Variants in LRRTM4 observed in about 807,000 individuals in gnomAD.
LRRTM4 encodes the protein leucine rich repeat transmembrane neuronal 4.
LRRTM4 carries 25 observed loss-of-function variants against 47.6 expected under a neutral mutation model. The observed-to-expected ratio is 0.53, with a 90% CI of 0.38 to 0.73. LRRTM4 has a LOEUF of 0.73. Among genes scored for constraint, LRRTM4 ranks in the 30% least tolerant of loss-of-function variants. The pLI is 0.00. For synonymous variants in LRRTM4, 311 were observed against 269.5 expected (o/e 1.15, Z -1.51); for missense variants, 638 against 713.4 (o/e 0.89, Z 1.20).
chr2:76,906,351 A>T (rs1321132493), intron 3 of LRRTM4, among the ~76,000 whole-genome samples: 1 of 152,212 alleles, frequency 6.6e-6, no homozygotes, highest in Admixed American at 6.5e-5. Context: ...AGGAAGCGCT[A>T]AACGTGGAAA....
chr2:76,968,107 GA>G (rs1269684544), intron 3 of LRRTM4, among the ~76,000 whole-genome samples: 1 of 150,734 alleles, frequency 6.6e-6, no homozygotes, highest in Admixed American at 6.6e-5. Flanking sequence ...ATCTATCTGT[GA>G]TTAACATTTT....
At chr2:76,973,352 A>C (rs534718362) in intron 3 of LRRTM4, among the ~76,000 whole-genome samples, 3 of 151,988 alleles carry the variant, frequency 2.0e-5, no homozygotes, top group Admixed American at 6.6e-5. Context: ...TGAATAGCTA[A>C]CTTTTTGTCT....
chr2:76,874,341 T>C (rs556252052), intron 3 of LRRTM4, among the ~76,000 whole-genome samples: 6 of 152,002 alleles, frequency 3.9e-5, no homozygotes, highest in Non-Finnish European at 8.8e-5. Flanking sequence ...TTTGTCTGAA[T>C]CTTTTCTTTG....
At chr2:77,515,000 C>T (rs1375179720) in intron 3 of LRRTM4, among the ~76,000 whole-genome samples, 2 of 151,776 alleles carry the variant, frequency 1.3e-5, no homozygotes, top group East Asian at 3.9e-4. Context: ...TATATAGTAA[C>T]ACCTTACTGT....
intron 3 of LRRTM4, among the ~76,000 whole-genome samples, chr2:77,398,360 A>G (rs1673787136): frequency 6.6e-6 from 1 of 151,876 alleles, no homozygotes; most frequent in Non-Finnish European, 1.5e-5. Flanking sequence ...AATTTTAGAG[A>G]AGCAATTAAG....
At chr2:76,988,080 GTTC>G (rs1045042379) in intron 3 of LRRTM4, among the ~76,000 whole-genome samples, 4 of 151,698 alleles carry the variant, frequency 2.6e-5, no homozygotes, top group Non-Finnish European at 5.9e-5. Context: ...CTAGCTCTGG[GTTC>G]TTTTTTCTTC....
At chr2:76,907,304 G>T (rs1490085526) in intron 3 of LRRTM4, among the ~76,000 whole-genome samples, 2 of 150,420 alleles carry the variant, frequency 1.3e-5, no homozygotes, top group African/African-American at 4.9e-5. Flanking sequence ...CGAGAACAAA[G>T]ACACAACATA....
intron 3 of LRRTM4, among the ~76,000 whole-genome samples, chr2:76,837,478 T>C (rs1230174631): frequency 1.3e-5 from 2 of 152,100 alleles, no homozygotes; most frequent in Non-Finnish European, 2.9e-5. Flanking sequence ...TGTTAGGGTG[T>C]CAATTTTGGA....
At chr2:76,963,634 G>GA (rs1240150471) in intron 3 of LRRTM4, among the ~76,000 whole-genome samples, 2 of 150,740 alleles carry the variant, frequency 1.3e-5, no homozygotes, top group African/African-American at 4.8e-5. Flanking sequence ...TGTATAAGGG[G>GA]AAATTTAGCT....
chr2:77,305,635 A>G (rs1015882580), intron 3 of LRRTM4, among the ~76,000 whole-genome samples: 1 of 152,110 alleles, frequency 6.6e-6, no homozygotes, highest in Non-Finnish European at 1.5e-5. Context: ...TTCATTGCAT[A>G]TCCATGTGTT....
At position 77,519,897 on chromosome 2, in the gene LRRTM4, G is replaced by T. The variant is rs754419233; in HGVS notation, c.5-33C>A. 6.6e-7 allele frequency: 1 copy of T among 1,517,308 alleles called. No individual in the cohort carries two copies. The highest frequency in any genetic ancestry group is 8.8e-7 in the Non-Finnish European group (1 of 1,131,862). 94.0% of individuals were successfully genotyped at this position (1,517,308 alleles called of 1,614,324 possible). The stretch of plus-strand genomic sequence containing the variant: ...ATTAAAAAAAAGACAGATGCACATT[G>T]TGAAGCTATTAAAATAAATCACCGT... On this transcript the variant is annotated intron_variant, in intron 2 of 3. Coordinates refer to ENST00000409884, the MANE Select transcript of LRRTM4 (RefSeq NM_001134745.3). The surrounding 1 kb of genome is among the most constrained non-coding windows in gnomAD (Gnocchi z 4.6).
chr2:76,916,837 AATTC>A (rs1168734067), intron 3 of LRRTM4, among the ~76,000 whole-genome samples: 2 of 152,194 alleles, frequency 1.3e-5, no homozygotes, highest in East Asian at 3.8e-4. Context: ...TTAGCAGGCA[AATTC>A]ATCTAGTTAT....
chr2:77,363,609 A>C (rs1672322892), intron 3 of LRRTM4, among the ~76,000 whole-genome samples: 1 of 152,206 alleles, frequency 6.6e-6, no homozygotes, highest in East Asian at 1.9e-4. Flanking sequence ...CTTTGCATCC[A>C]ATCCGAAATT....
At chr2:76,837,164 T>C (rs1671538084) in intron 3 of LRRTM4, among the ~76,000 whole-genome samples, 1 of 152,176 alleles carries the variant, frequency 6.6e-6, no homozygotes, top group Admixed American at 6.6e-5. Context: ...TTCTAGTTTA[T>C]TTGCATAGAG....
intron 3 of LRRTM4, among the ~76,000 whole-genome samples, chr2:77,218,173 T>G (rs1274876968): frequency 6.6e-6 from 1 of 152,132 alleles, no homozygotes; most frequent in Admixed American, 6.6e-5. Context: ...TTTGTATTTT[T>G]AGTAGAGATG....
chr2:77,309,730 GATAT>G (rs1284834409), intron 3 of LRRTM4, among the ~76,000 whole-genome samples: 11 of 130,872 alleles, frequency 8.4e-5, no homozygotes, highest in African/African-American at 3.1e-4. Flanking sequence ...TAGATAGATA[GATAT>G]AACAAAAGGC....
chr2:77,140,718 G>T (rs1672096540), intron 3 of LRRTM4, among the ~76,000 whole-genome samples: 1 of 152,090 alleles, frequency 6.6e-6, no homozygotes, highest in African/African-American at 2.4e-5. Context: ...ATTTTTGCAA[G>T]CTACTTCTCT....
rs201634166 is a variant in LRRTM4, at chr2:77,052,721, G to GGT, written c.1552-303807_1552-303806dup. On this transcript the variant is annotated intron_variant, in intron 3 of 3. Transcript: ENST00000409884. ...ACAAGAACGTGTTTGTGTGCGTAGG[G>GGT]GTGTGTGTGTGTGTGCAAGTATCCT... 1.6e-3 allele frequency among the ~76,000 whole-genome samples: 232 copies of GGT among 146,938 alleles called. 1 individual carries two copies. In the East Asian group the frequency reaches 0.022, roughly 14 times the overall value.
At chr2:76,940,717 T>G (rs1334379927) in intron 3 of LRRTM4, among the ~76,000 whole-genome samples, 1 of 152,204 alleles carries the variant, frequency 6.6e-6, no homozygotes, top group Non-Finnish European at 1.5e-5. Flanking sequence ...GTACGTACTA[T>G]GTACGTCAGA....
Sources: allele counts gnomAD v4.1 joint callset (sites outside exome capture counted in the v4.1 genomes callset), GRCh38; gene constraint gnomAD v4.1.1; non-coding constraint Gnocchi (gnomAD v3.1); transcripts MANE v1.5; gene names NCBI Gene and HGNC (gene_info 2026-07-23, HGNC 2026-07-21).